Variants in CAPN1 observed in about 807,000 individuals in gnomAD.
The protein encoded by CAPN1 is calpain-1 catalytic subunit.
CAPN1 carries 77 observed loss-of-function variants against 105.2 expected under a neutral mutation model. The ratio of observed to expected loss-of-function variants is 0.73; its 90% CI spans 0.61 to 0.88. The LOEUF is 0.88. Ranked by LOEUF, CAPN1 falls within the 40% of genes least tolerant of loss-of-function variation. CAPN1 has a pLI of 0.00. For synonymous variants in CAPN1, 355 were observed against 388.8 expected (o/e 0.91, Z 1.02); for missense variants, 833 against 976.6 (o/e 0.85, Z 1.96).
chr11:65,182,505 G>A (rs907110532), intron 1 of CAPN1, 196 bp from the exon 2 acceptor site: 6 of 585,716 alleles, frequency 1.0e-5, no homozygotes, highest in African/African-American at 1.9e-5. Flanking sequence ...TGGGAACTGG[G>A]AAATCCCTTT....
chr11:65,198,843 T>TG (rs916468039), intron 10 of CAPN1, among the ~76,000 whole-genome samples: 9 of 152,174 alleles, frequency 5.9e-5, no homozygotes, highest in South Asian at 2.1e-4. Flanking sequence ...TTGGGAGGGT[T>TG]GGGGGGCAGT....
chr11:65,200,488 C>T (rs1470159812), intron 10 of CAPN1, among the ~76,000 whole-genome samples: 4 of 152,042 alleles, frequency 2.6e-5, no homozygotes, highest in Non-Finnish European at 4.4e-5. Context: ...GGATTACAGG[C>T]GTGTGCCACT....
At chr11:65,204,608 G>C in intron 10 of CAPN1, 75 bp from the exon 11 acceptor site, 1 of 1,309,940 alleles carries the variant, frequency 7.6e-7, no homozygotes, top group South Asian at 1.2e-5. Context: ...GCACAGGGAC[G>C]TGCTGAGGAG....
chr11:65,208,190 C>T lies in CAPN1; in HGVS notation c.1672-15C>T. On this transcript the variant is annotated splice_polypyrimidine_tract_variant and intron_variant, in intron 15 of 21. Transcript: ENST00000279247. The surrounding 1 kb of genome is among the most constrained non-coding windows in gnomAD (Gnocchi z 4.1). Reference sequence around the variant, plus strand: ...CCCTCTCCTGGGGCAGGTGCCACCTCCTCTCTCTCCCCAGGACATGGAGAT... The same window carrying T: ...CCCTCTCCTGGGGCAGGTGCCACCTTCTCTCTCTCCCCAGGACATGGAGAT... The T allele has an allele frequency of 6.3e-7, 1 of 1,584,120 alleles. No individual in the cohort carries two copies. Among genetic ancestry groups the T allele is most frequent in the South Asian group, 1.2e-5 (1 of 86,810 alleles).
At chr11:65,190,714 T>G (rs36071069) in intron 10 of CAPN1, among the ~76,000 whole-genome samples, 7 of 77,326 alleles carry the variant, frequency 9.1e-5, no homozygotes, top group Non-Finnish European at 1.3e-4. Context: ...TTTTTTTTGT[T>G]TTTGTTTTTG....
At chr11:65,199,354 A>T (rs1237639538) in intron 10 of CAPN1, among the ~76,000 whole-genome samples, 1 of 152,172 alleles carries the variant, frequency 6.6e-6, no homozygotes, top group Admixed American at 6.5e-5. Flanking sequence ...TGCCTTCTGG[A>T]AAAAATCTTA....
rs1949034092 is a variant in CAPN1, at chr11:65,210,623, C to T, written c.2059+171C>T. ...GGCCCTGGCTGAGTGCCAGGAGAGTCGGGGAGGGAGGGAGTTGACAGTGGC... is the reference window on the plus strand; with the variant it reads ...GGCCCTGGCTGAGTGCCAGGAGAGTTGGGGAGGGAGGGAGTTGACAGTGGC... On this transcript the variant is annotated intron_variant, in intron 20 of 21. Transcript: ENST00000279247. This position sits in a 1 kb window ranked among gnomAD's most constrained non-coding sequence, Gnocchi z 4.3. Among the ~76,000 whole-genome samples, 2 of 151,710 alleles carry T rather than the reference C, an allele frequency of 1.3e-5. No individual in the cohort carries two copies. Among genetic ancestry groups the T allele is most frequent in the South Asian group, 4.2e-4 (2 of 4,794 alleles).
chr11:65,184,389 A>C (rs1407822111), intron 4 of CAPN1, among the ~76,000 whole-genome samples: 3 of 151,638 alleles, frequency 2.0e-5, no homozygotes, highest in Non-Finnish European at 4.4e-5. Context: ...CGCTCCTCCA[A>C]TCCGCTCCTC....
chr11:65,203,287 T>G (rs1948899557), intron 10 of CAPN1: 1 of 152,156 alleles, frequency 6.6e-6, no homozygotes, highest in African/African-American at 2.4e-5. Flanking sequence ...GCCTCTGGGT[T>G]CAAGCGATTC....
At chr11:65,187,037 C>T (rs1657741639) in intron 6 of CAPN1, among the ~76,000 whole-genome samples, 178 bp from the exon 7 acceptor site, 1 of 152,162 alleles carries the variant, frequency 6.6e-6, no homozygotes, top group African/African-American at 2.4e-5. Context: ...CTACCCCTCT[C>T]CAAAAGAGCA....
Position 65,211,459 on chromosome 11 carries a change from G to T in CAPN1, c.*173G>T. 1.5e-6 allele frequency: 1 copy of T among 670,524 alleles called. No homozygotes were observed. The highest frequency in any genetic ancestry group is 2.7e-6 in the Non-Finnish European group (1 of 374,412). The allele number at this position is 670,524 out of a possible 1,614,324, so 41.5% of individuals were successfully genotyped here. On this transcript the variant is annotated 3_prime_UTR_variant, in exon 22 of 22. Coordinates refer to ENST00000279247, the MANE Select transcript of CAPN1 (RefSeq NM_005186.4). Reference sequence around the variant, plus strand: ...AGCCACCATCGTTCATCTGCTCCGGGCAGAACTGTGTGGCCCCTGCCTGTG... The same window carrying T: ...AGCCACCATCGTTCATCTGCTCCGGTCAGAACTGTGTGGCCCCTGCCTGTG...
Position 65,183,599 on chromosome 11 carries a change from G to C in CAPN1, c.456+7G>C. 6.3e-7 allele frequency: 1 copy of C among 1,583,932 alleles called. No homozygotes were observed. Among genetic ancestry groups the C allele is most frequent in the Non-Finnish European group, 8.7e-7 (1 of 1,152,650 alleles). On this transcript the variant is annotated splice_region_variant and intron_variant, in intron 4 of 21. Transcript: ENST00000279247. ...CGGCATCTTCCATTTCCAGGTGAGG[G>C]CTCCCCTGGGGAGGAGGGGCAGCAG...
chr11:65,186,825 T>C (rs1259151044), intron 6 of CAPN1, among the ~76,000 whole-genome samples: 1 of 152,130 alleles, frequency 6.6e-6, no homozygotes, highest in Non-Finnish European at 1.5e-5. Flanking sequence ...CCAGCTCCCA[T>C]TCCCATTTCT....
At chr11:65,204,615 G>A (rs1948922210) in intron 10 of CAPN1, 68 bp from the exon 11 acceptor site, 1 of 1,400,830 alleles carries the variant, frequency 7.1e-7, no homozygotes, top group African/African-American at 1.4e-5. Context: ...GACGTGCTGA[G>A]GAGGCTTGGG....
At chr11:65,184,032 G>C (rs538496265) in intron 4 of CAPN1, among the ~76,000 whole-genome samples, 1 of 152,214 alleles carries the variant, frequency 6.6e-6, no homozygotes, top group Admixed American at 6.5e-5. Context: ...AGAAAGACTC[G>C]GGATTAAGTC....
Position 65,210,807 on chromosome 11 carries a change from C to T in CAPN1, c.2060-7C>T, listed in dbSNP as rs766324170. The T allele has an allele frequency of 3.7e-6, 6 of 1,612,644 alleles. No homozygotes were observed. Among genetic ancestry groups the T allele is most frequent in the Non-Finnish European group, 5.1e-6 (6 of 1,178,766 alleles). On this transcript the variant is annotated splice_region_variant and splice_polypyrimidine_tract_variant and intron_variant, in intron 20 of 21. Transcript: ENST00000279247. This position sits in a 1 kb window ranked among gnomAD's most constrained non-coding sequence, Gnocchi z 4.3. ...CAGCCCTGTATCACCTTTTCTTGAACACACAGGATTTTTCAAAACTCTGGA... is the reference window on the plus strand; with the variant it reads ...CAGCCCTGTATCACCTTTTCTTGAATACACAGGATTTTTCAAAACTCTGGA...
chr11:65,209,035 C>A lies in CAPN1; in HGVS notation c.1730-288C>A. On this transcript the variant is annotated intron_variant, in intron 16 of 21. Coordinates refer to ENST00000279247, the MANE Select transcript of CAPN1 (RefSeq NM_005186.4). The surrounding 1 kb of genome is among the most constrained non-coding windows in gnomAD (Gnocchi z 4.1). ...CACTGCTTACCCTCCTAGCCTACAG[C>A]AAGCCCTGCCCTGCCCCATCTTTCT... 1 of 495,092 alleles carries A rather than the reference C, an allele frequency of 2.0e-6. No individual in the cohort carries two copies. The highest frequency in any genetic ancestry group is 2.2e-5 in the South Asian group (1 of 46,102). 30.7% of individuals were successfully genotyped at this position (495,092 alleles called of 1,614,324 possible).
Position 65,206,594 on chromosome 11 carries a change from G to A in CAPN1, c.1485G>A (p.Val495=). 1 of 1,613,462 alleles carries A rather than the reference G, an allele frequency of 6.2e-7. No homozygotes were observed. Among genetic ancestry groups the A allele is most frequent in the East Asian group, 2.2e-5 (1 of 44,894 alleles). The change falls in exon 13 of 22, where the codon GTG becomes GTA. Residue 495 remains valine (V), a synonymous_variant. Coordinates refer to ENST00000279247, the MANE Select transcript of CAPN1 (RefSeq NM_005186.4). ...TRFRLPPGEY[V]VVPSTFEPNK... is the part of the protein sequence containing the mutation. ...TCCGCCTGCCACCCGGGGAGTATGT[G>A]GTGGTGCCCTCCACCTTCGAGCCCA... is the stretch of plus-strand genomic sequence containing the variant.
intron 10 of CAPN1, among the ~76,000 whole-genome samples, chr11:65,200,478 G>A (rs1030251810): frequency 2.0e-5 from 3 of 152,040 alleles, no homozygotes; most frequent in African/African-American, 7.3e-5. Context: ...TGAGTAGCTG[G>A]GATTACAGGC....
Sources: gnomAD v4.1 joint callset for allele counts (sites outside exome capture counted in the v4.1 genomes callset) on GRCh38, gnomAD v4.1.1 for gene constraint, Gnocchi (gnomAD v3.1) non-coding constraint, MANE v1.5 for transcripts, NCBI Gene and HGNC (gene_info 2026-07-23, HGNC 2026-07-21) for gene names.